Variants in RDH13 observed in about 807,000 individuals in gnomAD.
The protein encoded by RDH13 is retinol dehydrogenase 13.
Under a neutral mutation model 28.3 loss-of-function variants are expected in RDH13, and 35 were observed. That is an observed-to-expected ratio of 1.24 (90% CI 0.95 to 1.64). RDH13 has a LOEUF of 1.64. Ranked by LOEUF, RDH13 falls within the 40% of genes most tolerant of loss-of-function variation. The pLI, the probability that RDH13 is intolerant of heterozygous loss-of-function variation, is 0.00. For synonymous variants in RDH13, 229 were observed against 198.5 expected (o/e 1.15, Z -1.29); for missense variants, 514 against 446.3 (o/e 1.15, Z -1.37).
rs775267165 is a variant in RDH13 at position 55,047,429 on chromosome 19, G to A, written c.718C>T (p.His240Tyr). The A allele has an allele frequency of 1.9e-6, 3 of 1,611,668 alleles. No individual in the cohort carries two copies. In the East Asian group the frequency reaches 6.7e-5, roughly 36 times the overall value. The change falls in exon 6 of 7, where the codon CAC (histidine) becomes TAC (tyrosine). Residue 240 changes from histidine to tyrosine, a missense_variant. Physicochemically the swap from His to Tyr is moderately conservative, Grantham distance 83. Coordinates refer to ENST00000415061, the MANE Select transcript of RDH13 (RefSeq NM_001145971.2). ...AAGGTGGAGCCATGGATGCCCGTGT[G>A]TCTGCCCAGCTCTGTCCTGGCCACG... ...PGVARTELGR[H>Y]TGIHGSTFSS...
At position 55,047,469 on chromosome 19, in the gene RDH13, G is replaced by A. The variant is rs761583267; in HGVS notation, c.678C>T (p.Asn226=). The change falls in exon 6 of 7, where the codon AAC becomes AAT. Residue 226 remains asparagine (N), a synonymous_variant. Coordinates refer to ENST00000415061, the MANE Select transcript of RDH13 (RefSeq NM_001145971.2). Reference sequence around the variant, plus strand: ...TCCTGGCCACGCCGGGGTGCAGGGCGTTGACAGTCACACCAGAGCCTGGGG... The same window carrying A: ...TCCTGGCCACGCCGGGGTGCAGGGCATTGACAGTCACACCAGAGCCTGGGG... ...RRLQGSGVTV[N]ALHPGVARTE... 38 of 1,608,262 alleles carry A rather than the reference G, an allele frequency of 2.4e-5. No homozygotes were observed. The highest frequency in any genetic ancestry group is 4.0e-5 in the African/African-American group (3 of 74,904).
chr19:55,049,941 TCC>T (rs2075373157), intron 3 of RDH13, among the ~76,000 whole-genome samples: 1 of 46,022 alleles, frequency 2.2e-5, no homozygotes, highest in Non-Finnish European at 5.5e-5. Flanking sequence ...CCTCTTCCCT[TCC>T]TCTTCCCTTT....
At chr19:55,066,464 CCTCT>C (rs956754890), upstream of RDH13, among the ~76,000 whole-genome samples, 3 of 92,682 alleles carry the variant, frequency 3.2e-5, no homozygotes, top group Admixed American at 2.5e-4. Flanking sequence ...CCTCTCTCTT[CCTCT>C]CTCTCTTCCT....
chr19:55,062,074 G>T (rs1442486205), intron 1 of RDH13, among the ~76,000 whole-genome samples: 1 of 151,224 alleles, frequency 6.6e-6, no homozygotes, highest in African/African-American at 2.4e-5. Context: ...CCGAGGTCGT[G>T]CCATTGCACT....
intron 2 of RDH13, among the ~76,000 whole-genome samples, chr19:55,058,732 G>A (rs938700515): frequency 1.3e-5 from 2 of 152,106 alleles, no homozygotes; most frequent in African/African-American, 2.4e-5. Context: ...CCAGGCTGGA[G>A]TGCCGTGGCG....
At chr19:55,050,862 T>C (rs2147015906) in intron 3 of RDH13, 1 of 151,924 alleles carries the variant, frequency 6.6e-6, no homozygotes, top group South Asian at 2.1e-4. Context: ...TGGTTCTCTG[T>C]GTGAGAAGGA....
rs1262039020 is a variant in RDH13, at chr19:55,059,248, G to A, written c.93C>T (p.Pro31=). The change falls in exon 2 of 7, where the codon CCC becomes CCT. Residue 31 remains proline, a synonymous_variant. Coordinates refer to ENST00000415061, the MANE Select transcript of RDH13 (RefSeq NM_001145971.2). ...TCTTCCCAGGGATGGTGGCCTTGCT[G>A]GGGCAAGCCCCACCGGTGACATAGT... ...LKDYVTGGAC[P]SKATIPGKTV... is the part of the protein sequence containing the mutation. 1 of 1,602,964 alleles carries A rather than the reference G, an allele frequency of 6.2e-7. No individual in the cohort carries two copies. The highest frequency in any genetic ancestry group is 8.5e-7 in the Non-Finnish European group (1 of 1,174,980).
chr19:55,040,114 ACAC>A (rs1399892688), downstream of RDH13, among the ~76,000 whole-genome samples: 2 of 152,222 alleles, frequency 1.3e-5, no homozygotes, highest in Non-Finnish European at 2.9e-5. Flanking sequence ...GGTGATGGTT[ACAC>A]AACACTGTAA....
In RDH13 at chr19:55,045,062, C is replaced by T. The variant is rs1190595556; in HGVS notation, c.*12G>A. ...GGAGGCGCCATCCTGGCTTTCAAAT[C>T]TGCTCCAGAGGTTATCTGGGGAGGG... On this transcript the variant is annotated 3_prime_UTR_variant, in exon 7 of 7. Transcript: ENST00000415061. 6.4e-7 allele frequency: 1 copy of T among 1,560,742 alleles called. No homozygotes were observed. Among genetic ancestry groups the T allele is most frequent in the Non-Finnish European group, 8.7e-7 (1 of 1,151,440 alleles).
intron 6 of RDH13, among the ~76,000 whole-genome samples, chr19:55,045,974 G>C (rs920817704): frequency 7.1e-6 from 1 of 141,744 alleles, no homozygotes; most frequent in African/African-American, 2.6e-5. Context: ...AGGGCTGGGC[G>C]TGGTGACTCA....
At chr19:55,054,118 C>T (rs1460249952) in intron 3 of RDH13, among the ~76,000 whole-genome samples, 1 of 152,168 alleles carries the variant, frequency 6.6e-6, no homozygotes, top group Non-Finnish European at 1.5e-5. Flanking sequence ...CTGTGAGTGG[C>T]ACAAGGACAG....
chr19:55,064,985 G>T (rs532898110), upstream of RDH13, among the ~76,000 whole-genome samples: 1 of 150,126 alleles, frequency 6.7e-6, no homozygotes, highest in African/African-American at 2.4e-5. Flanking sequence ...GGACGGTGGT[G>T]ATGGTTGCAC....
chr19:55,056,713 G>A lies in RDH13; in HGVS notation c.280C>T (p.Arg94Trp), dbSNP rs774070838. The A allele has an allele frequency of 5.2e-5, 84 of 1,613,794 alleles. No homozygotes were observed. Among genetic ancestry groups the A allele is most frequent in the South Asian group, 4.2e-4 (38 of 91,058 alleles). ...TTGAGGGAAGCCAAGTCCAGGTGCCGGGCGTTGACATGGTGATTGAGGGTC... is the reference window on the plus strand; with the variant it reads ...TTGAGGGAAGCCAAGTCCAGGTGCCAGGCGTTGACATGGTGATTGAGGGTC... ...GETLNHHVNA[R>W]HLDLASLKSI... Residue 94 changes from arginine (R) to tryptophan (W), a missense_variant, in exon 3 of 7, where the codon CGG becomes TGG. By Grantham distance (101) the Arg-to-Trp change is moderately radical (BLOSUM62 -3). Coordinates refer to ENST00000415061, the MANE Select transcript of RDH13 (RefSeq NM_001145971.2).
chr19:55,059,994 T>G (rs896867831), intron 1 of RDH13, among the ~76,000 whole-genome samples: 1 of 152,224 alleles, frequency 6.6e-6, no homozygotes, highest in Non-Finnish European at 1.5e-5. Context: ...CACGATGCAC[T>G]GCAGAAAGCT....
chr19:55,043,920 C>CTTTTT (rs1555812976), downstream of RDH13, among the ~76,000 whole-genome samples: 1 of 135,250 alleles, frequency 7.4e-6, no homozygotes, highest in Non-Finnish European at 1.6e-5. Flanking sequence ...AAAGTCGGAA[C>CTTTTT]TTTTTTTTTT....
intron 1 of RDH13, among the ~76,000 whole-genome samples, chr19:55,060,968 C>T (rs1420377269): frequency 6.6e-6 from 1 of 152,156 alleles, no homozygotes; most frequent in Non-Finnish European, 1.5e-5. Flanking sequence ...ACATGTCTCA[C>T]TGGAATAAAT....
chr19:55,047,386 C>A lies in RDH13; in HGVS notation c.760+1G>T. On this transcript the variant is annotated splice_donor_variant, in intron 6 of 6. Coordinates refer to ENST00000415061, the MANE Select transcript of RDH13 (RefSeq NM_001145971.2). LOFTEE classifies it high-confidence loss of function. ...AGACCCCAGGCTGGGAGGGGACTCA[C>A]CGAGTGTGGTGCTGGAGAAGGTGGA... 6.2e-7 allele frequency: 1 copy of A among 1,611,196 alleles called. No homozygotes were observed.
Position 55,059,060 on chromosome 19 carries a change from G to A in RDH13, c.184+97C>T, listed in dbSNP as rs1005148697. 2.0e-5 allele frequency: 15 copies of A among 749,608 alleles called. No individual in the cohort carries two copies. The African/African-American group carries it at 2.6e-4, about 13-fold the overall frequency. The allele number at this position is 749,608 out of a possible 1,614,324, so 46.4% of individuals were successfully genotyped here. A position where few individuals can be genotyped will look rare whatever the true frequency, so the allele number is the denominator to read the frequency against. On this transcript the variant is annotated intron_variant, in intron 2 of 6. Coordinates refer to ENST00000415061, the MANE Select transcript of RDH13 (RefSeq NM_001145971.2). The stretch of plus-strand genomic sequence containing the variant: ...TGTTTCCCTGTTCATCTGTGGATGG[G>A]TGCCTGGGTTCCTTCCACCTCCGGA...
At chr19:55,056,523 G>T in intron 3 of RDH13, 130 bp downstream of exon 3, 1 of 1,131,814 alleles carries the variant, frequency 8.8e-7, no homozygotes, top group Non-Finnish European at 1.2e-6. Context: ...GGCAGCAACT[G>T]GACTTGGCCC....
Sources: allele counts gnomAD v4.1 joint callset (sites outside exome capture counted in the v4.1 genomes callset), GRCh38; gene constraint gnomAD v4.1.1; transcripts MANE v1.5; gene names NCBI Gene and HGNC (gene_info 2026-07-23, HGNC 2026-07-21).